Variants in EYS observed in about 807,000 individuals in gnomAD.
EYS encodes the protein protein eyes shut homolog.
A neutral mutation model predicts 282.1 loss-of-function variants in EYS; 250 were observed. The observed-to-expected ratio is 0.89, with a 90% CI of 0.80 to 0.98. The LOEUF (loss-of-function observed/expected upper bound fraction) is 0.98, where lower values mean the gene tolerates loss of function less well. EYS is among the 50% of genes least tolerant of loss of function. The pLI is 0.00. For missense variants in EYS, 4,016 were observed against 3,709.0 expected, an observed-to-expected ratio of 1.08 and a Z score of -2.15; for synonymous variants, 1,355 against 1,282.9, an observed-to-expected ratio of 1.06 and a Z score of -1.20.
intron 35 of EYS, among the ~76,000 whole-genome samples, chr6:63,941,980 C>T (rs760248813): frequency 3.9e-5 from 6 of 152,104 alleles, no homozygotes; most frequent in African/African-American, 4.8e-5. Flanking sequence ...TGAACAATGC[C>T]GTTAGCCACC....
rs1029535940 is a variant in EYS, at chr6:64,570,092, G to A, written c.5644+20131C>T. Among the ~76,000 whole-genome samples the A allele has an allele frequency of 5.3e-5, 8 of 152,198 alleles. No homozygotes were observed. The East Asian group carries it at 5.8e-4, about 11-fold the overall frequency. ...GAAGCCCATCAGACTAACAATGGATGTCTCTGAAGAAACCCTACAAGCCAG... is the reference window on the plus strand; with the variant it reads ...GAAGCCCATCAGACTAACAATGGATATCTCTGAAGAAACCCTACAAGCCAG... On this transcript the variant is annotated intron_variant, in intron 26 of 42. Transcript: ENST00000503581.
Position 64,085,338 on chromosome 6 carries a change from G to GCACACACA in EYS, c.6425-3337_6425-3336insTGTGTGTG, listed in dbSNP as rs749247868. ...GACGCGCGCGCGTGCGCACGTGCGC[G>GCACACACA]CGCACACACACACACACACACACAC... On this transcript the variant is annotated intron_variant, in intron 31 of 42. Coordinates refer to ENST00000503581, the MANE Select transcript of EYS (RefSeq NM_001142800.2). Among the ~76,000 whole-genome samples the GCACACACA allele has an allele frequency of 8.3e-4, 71 of 85,606 alleles. 1 individual carries two copies. The highest frequency in any genetic ancestry group is 6.5e-3 in the South Asian group (17 of 2,604). The allele number at this position is 85,606 out of a possible 152,430, so 56.2% of individuals were successfully genotyped here. A position where few individuals can be genotyped will look rare whatever the true frequency, so the allele number is the denominator to read the frequency against.
chr6:65,646,575 T>C (rs1422437999), intron 1 of EYS, among the ~76,000 whole-genome samples: 1 of 152,178 alleles, frequency 6.6e-6, no homozygotes, highest in East Asian at 1.9e-4. Flanking sequence ...TTATACTGCA[T>C]GGGAAGAAGC....
rs1258639557 is a variant in EYS, at chr6:65,189,574, A to T, written c.2023+106289T>A. On this transcript the variant is annotated intron_variant, in intron 12 of 42. Coordinates refer to ENST00000503581, the MANE Select transcript of EYS (RefSeq NM_001142800.2). ...AAATCAGCATAAATAAAATTTATTA[A>T]TTATGTCTCAGTGATTGGACCTTTT... is the stretch of plus-strand genomic sequence containing the variant. Among the ~76,000 whole-genome samples, 5 of 151,928 alleles carry T rather than the reference A, an allele frequency of 3.3e-5. No individual in the cohort carries two copies. The East Asian group carries it at 9.7e-4, about 30-fold the overall frequency.
chr6:65,028,115 G>T (rs1772477624), intron 13 of EYS, among the ~76,000 whole-genome samples: 1 of 152,006 alleles, frequency 6.6e-6, no homozygotes, highest in Non-Finnish European at 1.5e-5. Flanking sequence ...TTACTAAGAG[G>T]TGTGCAGTGC....
intron 30 of EYS, among the ~76,000 whole-genome samples, chr6:64,235,590 T>G (rs1482653675): frequency 6.6e-6 from 1 of 152,148 alleles, no homozygotes; most frequent in African/African-American, 2.4e-5. Context: ...TTTATAGTCC[T>G]TTGGGTATAT....
At chr6:64,283,823 A>G (rs2150362604) in intron 30 of EYS, among the ~76,000 whole-genome samples, 1 of 152,244 alleles carries the variant, frequency 6.6e-6, no homozygotes, top group Non-Finnish European at 1.5e-5. Context: ...AATAAGGAAG[A>G]TGCACAAGCA....
At chr6:63,782,426 G>A (rs1770254032) in intron 39 of EYS, among the ~76,000 whole-genome samples, 1 of 152,164 alleles carries the variant, frequency 6.6e-6, no homozygotes, top group Admixed American at 6.5e-5. Flanking sequence ...CTCAATTTCA[G>A]AGCCTGTTAT....
intron 22 of EYS, among the ~76,000 whole-genome samples, chr6:64,724,904 C>T (rs1384408311): frequency 6.6e-6 from 1 of 151,128 alleles, no homozygotes; most frequent in Admixed American, 6.6e-5. Context: ...GAAAGAACAA[C>T]TTAATCTCAA....
At position 64,137,525 on chromosome 6, in the gene EYS, G is replaced by A. The variant is rs139462303; in HGVS notation, c.6425-55523C>T. Among the ~76,000 whole-genome samples, 314 of 152,124 alleles carry A rather than the reference G, an allele frequency of 2.1e-3. 1 individual carries two copies. The highest frequency in any genetic ancestry group is 2.7e-3 in the Non-Finnish European group (182 of 68,016). ...AGATGTGTGACTCTTCCTTTTACTT[G>A]AACACTTAGAGGCCATAATAATAGG... On this transcript the variant is annotated intron_variant, in intron 31 of 42. Coordinates refer to ENST00000503581, the MANE Select transcript of EYS (RefSeq NM_001142800.2).
At chr6:64,296,353 G>C (rs896714144) in intron 30 of EYS, among the ~76,000 whole-genome samples, 4 of 151,936 alleles carry the variant, frequency 2.6e-5, no homozygotes, top group Admixed American at 2.0e-4. Context: ...ACATATAACA[G>C]CGCCATTCTT....
intron 26 of EYS, among the ~76,000 whole-genome samples, chr6:64,587,325 C>T (rs17290084): frequency 0.099 from 14,970 of 151,962 alleles, 920 homozygotes; most frequent in East Asian, 0.17. Context: ...ACTCAGTGGT[C>T]TACTTTGGAA....
chr6:64,735,319 G>A (rs746358587), intron 22 of EYS, among the ~76,000 whole-genome samples: 7 of 152,102 alleles, frequency 4.6e-5, no homozygotes, highest in Non-Finnish European at 8.8e-5. Flanking sequence ...TCCTGACCTC[G>A]TGATCAGCCT....
intron 22 of EYS, among the ~76,000 whole-genome samples, chr6:64,634,268 C>T (rs149729590): frequency 3.4e-4 from 52 of 152,268 alleles, no homozygotes; most frequent in Non-Finnish European, 1.8e-4. Context: ...AGGCGTGAGC[C>T]ACCACACCTG....
chr6:64,513,097 G>A (rs1376509264), intron 26 of EYS, among the ~76,000 whole-genome samples: 1 of 151,488 alleles, frequency 6.6e-6, no homozygotes, highest in Non-Finnish European at 1.5e-5. Context: ...TAAACAGTTT[G>A]ATACAGATTT....
intron 28 of EYS, among the ~76,000 whole-genome samples, chr6:64,418,095 C>G (rs1774116597): frequency 6.6e-6 from 1 of 152,036 alleles, no homozygotes; most frequent in African/African-American, 2.4e-5. Flanking sequence ...TTAGGGGAGA[C>G]AGGGAAACCA....
chr6:65,287,931 C>G (rs557373536), intron 12 of EYS, among the ~76,000 whole-genome samples: 1 of 151,048 alleles, frequency 6.6e-6, no homozygotes. Flanking sequence ...GATTAGCCTT[C>G]GGTACACTCA....
rs369581130 is a variant in EYS, at chr6:65,494,860, G to A, written c.551C>T (p.Ser184Phe). The A allele has an allele frequency of 5.0e-6, 8 of 1,614,044 alleles. No homozygotes were observed. The highest frequency in any genetic ancestry group is 1.7e-5 in the Admixed American group (1 of 60,020). Reference protein sequence around the residue: ...CQESLSSEFCSGHGKCLSEAW... With the variant: ...CQESLSSEFCFGHGKCLSEAW... The stretch of plus-strand genomic sequence containing the variant: ...TTCACTAAGACATTTACCATGACCA[G>A]AGCAAAATTCTGAACTCAGAGATTC... Residue 184 changes from serine (S) to phenylalanine (F), a missense_variant, in exon 4 of 43, where the codon TCT becomes TTT. Physicochemically the swap from Ser to Phe is radical, Grantham distance 155. Coordinates refer to ENST00000503581, the MANE Select transcript of EYS (RefSeq NM_001142800.2).
At chr6:64,171,501 G>C (rs760459561) in intron 31 of EYS, among the ~76,000 whole-genome samples, 3 of 151,698 alleles carry the variant, frequency 2.0e-5, no homozygotes, top group Non-Finnish European at 4.4e-5. Flanking sequence ...ATCAAACCTA[G>C]CTTTTACTGA....
Sources: gnomAD v4.1 joint callset for allele counts (sites outside exome capture counted in the v4.1 genomes callset) on GRCh38, gnomAD v4.1.1 for gene constraint, MANE v1.5 for transcripts, NCBI Gene and HGNC (gene_info 2026-07-23, HGNC 2026-07-21) for gene names.